The following TSHZ2 variants were observed in gnomAD, a reference collection of about 807,000 sequenced individuals.
The protein encoded by TSHZ2 is teashirt zinc finger homeobox 2.
In TSHZ2, 21 loss-of-function variants were observed where a neutral mutation model predicts 74.4. The observed-to-expected ratio is 0.28, with a 90% confidence interval of 0.20 to 0.41. The LOEUF is 0.41. TSHZ2 is among the 10% of genes least tolerant of loss of function. The probability of loss-of-function intolerance (pLI) is 1.00; values close to 1 mark genes in which losing one functional copy is unlikely to be tolerated. For synonymous variants in TSHZ2, 540 were observed against 515.3 expected (o/e 1.05, Z -0.65); for missense variants, 1,244 against 1,293.5 (o/e 0.96, Z 0.59).
Position 53,489,111 on chromosome 20 carries a change from CA to C in TSHZ2, c.*1978del, listed in dbSNP as rs1323591389. ...CACTCATCCATCAATCAATCACCCA[CA>C]AGGAAAAATAGCAACAGTACAACGG... On this transcript the variant is annotated 3_prime_UTR_variant, in exon 3 of 3. Transcript: ENST00000371497. The C allele has an allele frequency of 2.2e-6, 1 of 456,070 alleles. No homozygotes were observed. Among genetic ancestry groups the C allele is most frequent in the East Asian group, 6.9e-5 (1 of 14,406 alleles). The allele number at this position is 456,070 out of a possible 1,614,324, so 28.3% of individuals were successfully genotyped here.
intron 2 of TSHZ2, among the ~76,000 whole-genome samples, chr20:53,386,729 G>A (rs780949523): frequency 4.6e-5 from 7 of 152,102 alleles, no homozygotes; most frequent in Non-Finnish European, 1.0e-4. Flanking sequence ...GGTGTAAGAT[G>A]GGAAACAGAG....
intron 2 of TSHZ2, among the ~76,000 whole-genome samples, chr20:53,286,737 A>G (rs2145447655): frequency 6.6e-6 from 1 of 152,154 alleles, no homozygotes; most frequent in South Asian, 2.1e-4. Context: ...AAAATAATTT[A>G]TTTTTACTTA....
intron 1 of TSHZ2, among the ~76,000 whole-genome samples, chr20:53,214,424 A>C (rs1443902727): frequency 6.6e-6 from 1 of 152,246 alleles, no homozygotes; most frequent in Non-Finnish European, 1.5e-5. Context: ...TTTTAAGAAG[A>C]CAGTGTTGCG....
chr20:53,448,611 A>T (rs961982557), intron 2 of TSHZ2, among the ~76,000 whole-genome samples: 1 of 151,586 alleles, frequency 6.6e-6, no homozygotes, highest in Admixed American at 6.6e-5. Flanking sequence ...ATGTTGATTT[A>T]TCTTATTACT....
intron 2 of TSHZ2, among the ~76,000 whole-genome samples, chr20:53,339,241 C>T (rs898057534): frequency 1.3e-5 from 2 of 152,196 alleles, no homozygotes; most frequent in Non-Finnish European, 2.9e-5. Context: ...AGGACTCCTT[C>T]CTCTTCCAAG....
At chr20:53,169,681 C>G (rs1406960546) in intron 1 of TSHZ2, among the ~76,000 whole-genome samples, 6 of 152,072 alleles carry the variant, frequency 3.9e-5, no homozygotes, top group Admixed American at 2.6e-4. Context: ...AGATGTCATT[C>G]CCCCTCCCCT....
chr20:52,987,208 T>C (rs1327283273), intron 1 of TSHZ2, among the ~76,000 whole-genome samples: 1 of 152,198 alleles, frequency 6.6e-6, no homozygotes, highest in Non-Finnish European at 1.5e-5. Flanking sequence ...TTCCTGGTTT[T>C]GCATCTAGAA....
intron 1 of TSHZ2, among the ~76,000 whole-genome samples, chr20:53,094,489 G>A (rs1329123429): frequency 3.3e-5 from 5 of 152,008 alleles, no homozygotes; most frequent in South Asian, 4.2e-4. Context: ...TCCCTGACTC[G>A]GTGCAAGTTA....
rs554586211 is a variant in TSHZ2, at chr20:53,031,743, C to T, written c.40+58410C>T. Among the ~76,000 whole-genome samples the T allele has an allele frequency of 2.0e-5, 3 of 152,290 alleles. No homozygotes were observed. The East Asian group carries it at 5.8e-4, about 29-fold the overall frequency. On this transcript the variant is annotated intron_variant, in intron 1 of 2. Transcript: ENST00000371497. Reference sequence around the variant, plus strand: ...CTGATATGGTATAGATTTTTCTCTGCAACTCTTTCATATTTTCAGCTCTTG... The same window carrying T: ...CTGATATGGTATAGATTTTTCTCTGTAACTCTTTCATATTTTCAGCTCTTG...
Position 53,068,028 on chromosome 20 carries a change from G to A in TSHZ2, c.40+94695G>A, listed in dbSNP as rs371668108. Among the ~76,000 whole-genome samples the A allele has an allele frequency of 1.6e-4, 24 of 152,194 alleles. No individual in the cohort carries two copies. The East Asian group carries it at 3.3e-3, about 21-fold the overall frequency. On this transcript the variant is annotated intron_variant, in intron 1 of 2. Transcript: ENST00000371497. ...GTTACATGGCTCCCTTCCCCTGTGCGTCCGTGTTGTCAGGTGGCATCCCCT... is the reference window on the plus strand; with the variant it reads ...GTTACATGGCTCCCTTCCCCTGTGCATCCGTGTTGTCAGGTGGCATCCCCT...
At position 53,487,780 on chromosome 20, in the gene TSHZ2, C is replaced by T. The variant is rs568897633; in HGVS notation, c.*645C>T. ...TAAACCAGAGTTTGAGCCAAGAAAA[C>T]CCCTGAACAATGTTCATCTTCTGTG... On this transcript the variant is annotated 3_prime_UTR_variant, in exon 3 of 3. Transcript: ENST00000371497. 1 of 152,292 alleles carries T rather than the reference C, an allele frequency of 6.6e-6. No individual in the cohort carries two copies. Among genetic ancestry groups the T allele is most frequent in the South Asian group, 2.1e-4 (1 of 4,826 alleles). 9.4% of individuals were successfully genotyped at this position (152,292 alleles called of 1,614,324 possible). A position where few individuals can be genotyped will look rare whatever the true frequency, so the allele number is the denominator to read the frequency against.
intron 2 of TSHZ2, among the ~76,000 whole-genome samples, chr20:53,410,699 G>A (rs1314837866): frequency 7.0e-6 from 1 of 143,034 alleles, no homozygotes; most frequent in Non-Finnish European, 1.5e-5. Context: ...TTTTTGGCAC[G>A]GAGTCTCGCT....
At chr20:53,434,884 C>G (rs777958768) in intron 2 of TSHZ2, among the ~76,000 whole-genome samples, 3 of 152,210 alleles carry the variant, frequency 2.0e-5, no homozygotes, top group Non-Finnish European at 4.4e-5. Flanking sequence ...CGTGTGCTGA[C>G]GGGCCTCAGC....
At chr20:53,310,858 G>A (rs181007356) in intron 2 of TSHZ2, among the ~76,000 whole-genome samples, 3 of 152,276 alleles carry the variant, frequency 2.0e-5, no homozygotes, top group African/African-American at 7.2e-5. Context: ...TATTCTATTG[G>A]TTAAAAGCAA....
At chr20:53,172,003 T>TA (rs1200892776) in intron 1 of TSHZ2, among the ~76,000 whole-genome samples, 1 of 152,204 alleles carries the variant, frequency 6.6e-6, no homozygotes, top group Non-Finnish European at 1.5e-5. Context: ...CATGAAGCTT[T>TA]AAAAATCATT....
At chr20:53,354,084 C>A (rs1980756237) in intron 2 of TSHZ2, among the ~76,000 whole-genome samples, 1 of 152,292 alleles carries the variant, frequency 6.6e-6, no homozygotes, top group East Asian at 1.9e-4. Flanking sequence ...ATGGTCAGAA[C>A]AAGGTGAAAG....
chr20:53,167,231 CTG>C, intron 1 of TSHZ2, among the ~76,000 whole-genome samples: 1 of 152,316 alleles, frequency 6.6e-6, no homozygotes, highest in South Asian at 2.1e-4. Flanking sequence ...ACTATGCTGT[CTG>C]TGGAGGTGAG....
At chr20:52,982,588 G>A (rs767098718) in intron 1 of TSHZ2, among the ~76,000 whole-genome samples, 1 of 152,148 alleles carries the variant, frequency 6.6e-6, no homozygotes, top group Non-Finnish European at 1.5e-5. Context: ...ATTGTTCTAG[G>A]TGCTGTAAAA....
intron 2 of TSHZ2, among the ~76,000 whole-genome samples, chr20:53,295,677 A>G (rs1991363748): frequency 6.6e-6 from 1 of 152,232 alleles, no homozygotes; most frequent in Admixed American, 6.5e-5. Flanking sequence ...CAAAAGATAC[A>G]TAAAGTGACC....
Sources: gnomAD v4.1 joint callset for allele counts (sites outside exome capture counted in the v4.1 genomes callset) on GRCh38, gnomAD v4.1.1 for gene constraint, MANE v1.5 for transcripts, NCBI Gene and HGNC (gene_info 2026-07-23, HGNC 2026-07-21) for gene names.